Variants in PPP2R2B observed in about 807,000 individuals in gnomAD.
PPP2R2B encodes serine/threonine-protein phosphatase 2A 55 kDa regulatory subunit B beta isoform.
Under a neutral mutation model 46.0 loss-of-function variants are expected in PPP2R2B, and 5 were observed. The observed-to-expected ratio is 0.11, with a 90% CI of 0.06 to 0.23. The LOEUF is 0.23. PPP2R2B is among the 10% of genes least tolerant of loss of function. The pLI, the probability that PPP2R2B is intolerant of heterozygous loss-of-function variation, is 1.00. For missense variants in PPP2R2B, 367 were observed against 575.0 expected (o/e 0.64, Z 3.70); for synonymous variants, 215 against 206.7 (o/e 1.04, Z -0.34).
intron 7 of PPP2R2B, among the ~76,000 whole-genome samples, chr5:146,617,409 T>C (rs553479433): frequency 6.6e-6 from 1 of 152,282 alleles, no homozygotes; most frequent in East Asian, 1.9e-4. Flanking sequence ...GTGATGAATA[T>C]ACCGTTTACC....
chr5:147,037,989 A>G (rs1756120666), intron 1 of PPP2R2B, among the ~76,000 whole-genome samples: 1 of 152,164 alleles, frequency 6.6e-6, no homozygotes, highest in Non-Finnish European at 1.5e-5. Flanking sequence ...TATTTATTAG[A>G]TCAGTTCCTG....
chr5:146,868,397 A>G (rs186459), intron 2 of PPP2R2B, among the ~76,000 whole-genome samples: 79,299 of 152,156 alleles, frequency 0.52, 23,632 homozygotes, highest in African/African-American at 0.81. Context: ...GCCTATGGCC[A>G]TGTTTTCCCA....
At chr5:146,732,179 G>A (rs558655573) in intron 2 of PPP2R2B, among the ~76,000 whole-genome samples, 41 of 152,240 alleles carry the variant, frequency 2.7e-4, no homozygotes, top group African/African-American at 9.4e-4. Context: ...TACGGTGAAA[G>A]GTCAAAGGTA....
At chr5:146,827,590 G>A (rs1199407831) in intron 2 of PPP2R2B, among the ~76,000 whole-genome samples, 1 of 152,096 alleles carries the variant, frequency 6.6e-6, no homozygotes, top group African/African-American at 2.4e-5. Flanking sequence ...AGATGTTAGG[G>A]ATAGAGAAGT....
intron 1 of PPP2R2B, among the ~76,000 whole-genome samples, chr5:147,000,340 C>T (rs1754113763): frequency 6.6e-6 from 1 of 152,066 alleles, no homozygotes; most frequent in African/African-American, 2.4e-5. Flanking sequence ...AAGGGCTCTT[C>T]AAGTTTGAAC....
chr5:146,700,234 TCA>T (rs1779449931), intron 3 of PPP2R2B, among the ~76,000 whole-genome samples: 3 of 152,148 alleles, frequency 2.0e-5, no homozygotes, highest in African/African-American at 7.2e-5. Flanking sequence ...CCGGTGAATC[TCA>T]GAGGCAGGCA....
chr5:146,647,982 T>C (rs1204429917), intron 6 of PPP2R2B, among the ~76,000 whole-genome samples: 1 of 152,182 alleles, frequency 6.6e-6, no homozygotes, highest in African/African-American at 2.4e-5. Flanking sequence ...TGCCACTATC[T>C]GATTAAAGCT....
intron 2 of PPP2R2B, among the ~76,000 whole-genome samples, chr5:147,071,037 G>A (rs532231915): frequency 6.6e-6 from 1 of 152,120 alleles, no homozygotes; most frequent in African/African-American, 2.4e-5. Flanking sequence ...TGGCAAAGGG[G>A]ACATCAAAAG....
At chr5:146,847,255 G>A (rs1760065130) in intron 2 of PPP2R2B, among the ~76,000 whole-genome samples, 1 of 152,078 alleles carries the variant, frequency 6.6e-6, no homozygotes, top group African/African-American at 2.4e-5. Context: ...CTAACCCCAG[G>A]ATAAAGTTCA....
chr5:146,590,394 T>G (rs371997913), intron 9 of PPP2R2B, among the ~76,000 whole-genome samples, 168 bp from the exon 10 acceptor site: 5,286 of 145,132 alleles, frequency 0.036, 129 homozygotes, highest in African/African-American at 0.067. Context: ...TGTTTTTTTT[T>G]TGTGTTTTTT....
At chr5:146,698,317 A>AAAATATAT (rs1250416449) in intron 3 of PPP2R2B, among the ~76,000 whole-genome samples, 173 bp from the exon 4 acceptor site, 7 of 85,644 alleles carry the variant, frequency 8.2e-5, no homozygotes, top group Admixed American at 1.9e-4. Flanking sequence ...AAAAAAAAAA[A>AAAATATAT]ATATATATAT....
At chr5:146,664,809 C>T (rs1561814581) in intron 5 of PPP2R2B, among the ~76,000 whole-genome samples, 1 of 152,152 alleles carries the variant, frequency 6.6e-6, no homozygotes. Flanking sequence ...TCAAAAATGA[C>T]TCCTTAATCT....
intron 2 of PPP2R2B, among the ~76,000 whole-genome samples, chr5:146,709,289 G>T (rs763905946): frequency 6.6e-6 from 1 of 152,150 alleles, no homozygotes; most frequent in Non-Finnish European, 1.5e-5. Context: ...TAAAAAATGG[G>T]CACTGCTTAA....
At chr5:146,763,602 A>G (rs1334363843) in intron 2 of PPP2R2B, among the ~76,000 whole-genome samples, 1 of 152,210 alleles carries the variant, frequency 6.6e-6, no homozygotes, top group Non-Finnish European at 1.5e-5. Context: ...AAAATAATTT[A>G]TTAGCCACAG....
At chr5:146,842,971 C>T (rs1357802441) in intron 2 of PPP2R2B, among the ~76,000 whole-genome samples, 1 of 152,134 alleles carries the variant, frequency 6.6e-6, no homozygotes, top group East Asian at 1.9e-4. Flanking sequence ...GGTGGATCAC[C>T]TCAGGTCAGG....
intron 2 of PPP2R2B, among the ~76,000 whole-genome samples, chr5:146,716,193 T>A (rs546956033): frequency 1.1e-4 from 16 of 148,656 alleles, no homozygotes; most frequent in African/African-American, 4.2e-4. Context: ...ACACAAATCC[T>A]TCAAGGCCAG....
intron 1 of PPP2R2B, among the ~76,000 whole-genome samples, chr5:147,016,757 AT>A (rs1163118176): frequency 6.6e-6 from 1 of 151,632 alleles, no homozygotes; most frequent in East Asian, 2.1e-4. Context: ...GAGAATGGGC[AT>A]TCTATCCAGG....
At chr5:146,653,619 G>A (rs404167) in intron 5 of PPP2R2B, among the ~76,000 whole-genome samples, 106,672 of 151,898 alleles carry the variant, frequency 0.7, 38,321 homozygotes, top group Non-Finnish European at 0.78. Context: ...CAGTTACCGT[G>A]CATTGTCTGC....
chr5:146,990,619 G>A (rs1057437752), intron 1 of PPP2R2B, among the ~76,000 whole-genome samples: 5 of 152,014 alleles, frequency 3.3e-5, no homozygotes, highest in African/African-American at 1.2e-4. Context: ...ACTATTAGTA[G>A]AAAATATAGG....
Sources: gnomAD v4.1 joint callset for allele counts (sites outside exome capture counted in the v4.1 genomes callset) on GRCh38, gnomAD v4.1.1 for gene constraint, MANE v1.5 for transcripts, NCBI Gene and HGNC (gene_info 2026-07-23, HGNC 2026-07-21) for gene names.